C8A: variants seen among roughly 807,000 people sequenced by gnomAD.
C8A encodes the protein complement component C8 alpha chain.
C8A carries 67 observed loss-of-function variants against 65.3 expected under a neutral mutation model. The ratio of observed to expected loss-of-function variants is 1.03; its 90% CI spans 0.84 to 1.26. The LOEUF (loss-of-function observed/expected upper bound fraction) is 1.26, where lower values mean the gene tolerates loss of function less well. C8A is among the 50% of genes most tolerant of loss of function. The probability of loss-of-function intolerance (pLI) is 0.00; values close to 1 mark genes in which losing one functional copy is unlikely to be tolerated. For synonymous variants in C8A, 290 were observed against 259.4 expected, an observed-to-expected ratio of 1.12 and a Z score of -1.13; for missense variants, 781 against 723.9, an observed-to-expected ratio of 1.08 and a Z score of -0.90.
intron 7 of C8A, among the ~76,000 whole-genome samples, chr1:56,897,466 G>A (rs912674017): frequency 6.6e-6 from 1 of 152,130 alleles, no homozygotes; most frequent in Non-Finnish European, 1.5e-5. Context: ...CACAAGATGC[G>A]GGCTCAGCCA....
intron 7 of C8A, among the ~76,000 whole-genome samples, chr1:56,897,019 C>T (rs1007003733): frequency 6.6e-6 from 1 of 152,176 alleles, no homozygotes; most frequent in African/African-American, 2.4e-5. Flanking sequence ...TGGTCAGAGG[C>T]AGGGCGAGGT....
chr1:56,855,106 C>A, intron 1 of C8A, 128 bp downstream of exon 1: 1 of 780,114 alleles, frequency 1.3e-6, no homozygotes, highest in Non-Finnish European at 2.2e-6. Context: ...GTTATTACTA[C>A]TCCTGTGGAG....
intron 9 of C8A, among the ~76,000 whole-genome samples, chr1:56,912,145 A>T (rs1021963541): frequency 2.0e-5 from 3 of 152,170 alleles, no homozygotes; most frequent in Non-Finnish European, 2.9e-5. Context: ...CCCGATCTTC[A>T]TTATTATTTC....
At chr1:56,901,760 G>A (rs184284246) in intron 7 of C8A, among the ~76,000 whole-genome samples, 11 of 152,084 alleles carry the variant, frequency 7.2e-5, no homozygotes, top group African/African-American at 2.2e-4. Flanking sequence ...TCCTAGCTTT[G>A]TCTGGCTAAT....
Position 56,875,929 on chromosome 1 carries a change from G to C in C8A, c.317-133G>C, listed in dbSNP as rs140419895. ...AGCTCATTAGGCTGGAAGGAAGGCAGAGGCAGTGAGAACAGAAAGAGAATG... is the reference window on the plus strand; with the variant it reads ...AGCTCATTAGGCTGGAAGGAAGGCACAGGCAGTGAGAACAGAAAGAGAATG... On this transcript the variant is annotated intron_variant, in intron 3 of 10. Coordinates refer to ENST00000361249, the MANE Select transcript of C8A (RefSeq NM_000562.3). 8.4e-4 allele frequency: 1,036 copies of C among 1,238,950 alleles called. 8 individuals are homozygous for C. The highest frequency in any genetic ancestry group is 3.2e-4 in the Non-Finnish European group (277 of 871,264). 76.7% of individuals were successfully genotyped at this position (1,238,950 alleles called of 1,614,324 possible).
chr1:56,861,932 A>T (rs1416653079), intron 1 of C8A, among the ~76,000 whole-genome samples: 1 of 152,184 alleles, frequency 6.6e-6, no homozygotes, highest in Non-Finnish European at 1.5e-5. Flanking sequence ...TAAAATGCTG[A>T]AGAGGCCACA....
chr1:56,902,344 AAT>A (rs2101287241), intron 7 of C8A, among the ~76,000 whole-genome samples: 2 of 152,266 alleles, frequency 1.3e-5, no homozygotes, highest in Admixed American at 1.3e-4. Flanking sequence ...TGGAGGGTTT[AAT>A]CCAGTTCTAC....
chr1:56,890,861 AC>A (rs1644339468), intron 7 of C8A, among the ~76,000 whole-genome samples: 1 of 151,786 alleles, frequency 6.6e-6, no homozygotes, highest in Non-Finnish European at 1.5e-5. Flanking sequence ...TTGTTATATC[AC>A]CCTATTTTAA....
At chr1:56,901,960 T>C (rs892039906) in intron 7 of C8A, among the ~76,000 whole-genome samples, 1 of 152,192 alleles carries the variant, frequency 6.6e-6, no homozygotes, top group African/African-American at 2.4e-5. Context: ...ATTTCTCAAC[T>C]AGCTCTAACA....
intron 2 of C8A, among the ~76,000 whole-genome samples, chr1:56,871,133 T>C (rs769208081): frequency 1.3e-5 from 2 of 152,220 alleles, no homozygotes; most frequent in Non-Finnish European, 2.9e-5. Flanking sequence ...ATGGCAATAG[T>C]CACCATTTAT....
chr1:56,912,687 A>C (rs2101311622), intron 10 of C8A, 62 bp downstream of exon 10: 1 of 1,520,986 alleles, frequency 6.6e-7, no homozygotes, highest in East Asian at 2.3e-5. Context: ...CCAGTGCAAA[A>C]AGGACTTTTG....
intron 9 of C8A, among the ~76,000 whole-genome samples, chr1:56,911,169 T>A (rs1352439500): frequency 6.6e-6 from 1 of 152,116 alleles, no homozygotes; most frequent in Non-Finnish European, 1.5e-5. Flanking sequence ...CAGTACTTCT[T>A]TAGATCCTCA....
chr1:56,890,041 T>A (rs1644332416), intron 7 of C8A, among the ~76,000 whole-genome samples: 1 of 152,170 alleles, frequency 6.6e-6, no homozygotes, highest in Non-Finnish European at 1.5e-5. Flanking sequence ...ATTATTTGTC[T>A]TTGTATCAAG....
At chr1:56,874,180 A>G (rs910806926) in intron 2 of C8A, among the ~76,000 whole-genome samples, 7 of 152,166 alleles carry the variant, frequency 4.6e-5, no homozygotes, top group African/African-American at 1.7e-4. Context: ...TCTCTTTGTA[A>G]AAGAAAATCC....
chr1:56,902,574 A>G (rs1644434652), intron 7 of C8A, among the ~76,000 whole-genome samples: 1 of 152,188 alleles, frequency 6.6e-6, no homozygotes, highest in Non-Finnish European at 1.5e-5. Context: ...GTCATTAACT[A>G]TAGGGACATG....
At chr1:56,887,200 C>T (rs1170794653) in intron 7 of C8A, among the ~76,000 whole-genome samples, 1 of 152,158 alleles carries the variant, frequency 6.6e-6, no homozygotes. Flanking sequence ...ACTAGGTAGT[C>T]TTTAAAAAAC....
intron 2 of C8A, among the ~76,000 whole-genome samples, chr1:56,873,864 G>C (rs1319051381): frequency 6.6e-6 from 1 of 152,158 alleles, no homozygotes. Context: ...GGCAGGGATA[G>C]AACCTCATGT....
chr1:56,864,767 G>T (rs944013377), intron 1 of C8A, among the ~76,000 whole-genome samples: 1 of 152,154 alleles, frequency 6.6e-6, no homozygotes, highest in African/African-American at 2.4e-5. Flanking sequence ...GTGCCTGCTA[G>T]CACCATGTTA....
chr1:56,862,032 G>A (rs923704840), intron 1 of C8A, among the ~76,000 whole-genome samples: 9 of 152,200 alleles, frequency 5.9e-5, no homozygotes. Context: ...TTAAAAGGCA[G>A]ATGGGAAGCA....
Sources: allele counts gnomAD v4.1 joint callset (sites outside exome capture counted in the v4.1 genomes callset), GRCh38; gene constraint gnomAD v4.1.1; transcripts MANE v1.5; gene names NCBI Gene and HGNC (gene_info 2026-07-23, HGNC 2026-07-21).